ZNF716: variants seen among roughly 807,000 people sequenced by gnomAD.
ZNF716 encodes zinc finger protein 716.
A neutral mutation model predicts 13.4 loss-of-function variants in ZNF716; 9 were observed. That is an observed-to-expected ratio of 0.67 (90% CI 0.41 to 1.18). The LOEUF (loss-of-function observed/expected upper bound fraction) is 1.18, where lower values mean the gene tolerates loss of function less well. Ranked by LOEUF, ZNF716 falls within the 50% of genes most tolerant of loss-of-function variation. The pLI is 0.01. For missense variants in ZNF716, 581 were observed against 576.6 expected (o/e 1.01, Z -0.08); for synonymous variants, 186 against 195.2 (o/e 0.95, Z 0.39).
At chr7:57,465,846 T>C (rs1158261734) in intron 3 of ZNF716, among the ~76,000 whole-genome samples, 3 of 152,222 alleles carry the variant, frequency 2.0e-5, no homozygotes, top group African/African-American at 7.2e-5. Flanking sequence ...TGGTATGCTA[T>C]GCAGCCATAA....
rs559114748 is a variant in ZNF716, at chr7:57,469,028, C to T, written c.567C>T (p.Asn189=). The stretch of plus-strand genomic sequence containing the variant: ...GAAAGAAACATTTCAAATGTAAAAA[C>T]GATGGCAAATCATTTTGCATGCTTT... ...HTGKKHFKCK[N]DGKSFCMLSR... is the part of the protein sequence containing the mutation. The change falls in exon 4 of 4, where the codon AAC becomes AAT. Residue 189 remains asparagine (N), a synonymous_variant. Coordinates refer to ENST00000420713, the MANE Select transcript of ZNF716 (RefSeq NM_001159279.1). 34 of 1,607,596 alleles carry T rather than the reference C, an allele frequency of 2.1e-5. 1 individual carries two copies. In the South Asian group the frequency reaches 2.5e-4, roughly 12 times the overall value.
At position 57,469,648 on chromosome 7, in the gene ZNF716, C is replaced by T. The variant is rs1262690062; in HGVS notation, c.1187C>T (p.Thr396Ile). 6 of 1,612,890 alleles carry T rather than the reference C, an allele frequency of 3.7e-6. No individual in the cohort carries two copies. Among genetic ancestry groups the T allele is most frequent in the Non-Finnish European group, 5.1e-6 (6 of 1,179,832 alleles). Residue 396 changes from threonine to isoleucine, a missense_variant, in exon 4 of 4, where the codon ACT becomes ATT. Transcript: ENST00000420713. ...GKAFSLPSTF[T>I]YHKRTHTGEK... is the part of the protein sequence containing the mutation. ...GCCTTTAGCTTACCCTCAACCTTCACTTACCACAAGAGAACTCATACTGGA... is the reference window on the plus strand; with the variant it reads ...GCCTTTAGCTTACCCTCAACCTTCATTTACCACAAGAGAACTCATACTGGA...
chr7:57,451,159 A>G (rs1583713131), intron 1 of ZNF716, among the ~76,000 whole-genome samples: 1 of 151,804 alleles, frequency 6.6e-6, no homozygotes, highest in East Asian at 2.0e-4. Flanking sequence ...AGCTGGGATT[A>G]CAGACTGCCA....
At chr7:57,450,907 T>G (rs1231963554) in intron 1 of ZNF716, among the ~76,000 whole-genome samples, 1 of 152,206 alleles carries the variant, frequency 6.6e-6, no homozygotes, top group Non-Finnish European at 1.5e-5. Context: ...GTTAGGTAGT[T>G]TCCTTGTTTG....
chr7:57,469,641 A>C lies in ZNF716; in HGVS notation c.1180A>C (p.Thr394Pro). The change falls in exon 4 of 4, where the codon ACC (threonine) becomes CCC (proline). Residue 394 changes from threonine to proline, a missense_variant. By Grantham distance (38) the Thr-to-Pro change is conservative (BLOSUM62 -1). Transcript: ENST00000420713. Reference sequence around the variant, plus strand: ...TGGCAAAGCCTTTAGCTTACCCTCAACCTTCACTTACCACAAGAGAACTCA... The same window carrying C: ...TGGCAAAGCCTTTAGCTTACCCTCACCCTTCACTTACCACAAGAGAACTCA... ...ECGKAFSLPS[T>P]FTYHKRTHTG... 1 of 1,613,452 alleles carries C rather than the reference A, an allele frequency of 6.2e-7. No homozygotes were observed. Among genetic ancestry groups the C allele is most frequent in the Non-Finnish European group, 8.5e-7 (1 of 1,179,878 alleles).
chr7:57,462,438 T>C, intron 1 of ZNF716, 22 bp from the exon 2 acceptor site: 2 of 1,609,878 alleles, frequency 1.2e-6, no homozygotes, highest in Non-Finnish European at 1.7e-6. Flanking sequence ...GTTTTTTTTG[T>C]TTGTTTATTT....
rs527435993 is a variant in ZNF716, at chr7:57,450,187, C to T, written c.-102C>T. On this transcript the variant is annotated 5_prime_UTR_variant, in exon 1 of 4. Coordinates refer to ENST00000420713, the MANE Select transcript of ZNF716 (RefSeq NM_001159279.1). ...GTAAGGTTACGGGTTCTTTTTGCTTCTCTGCGCCCAGAGCTCCAGTCCTTC... is the reference window on the plus strand; with the variant it reads ...GTAAGGTTACGGGTTCTTTTTGCTTTTCTGCGCCCAGAGCTCCAGTCCTTC... The T allele has an allele frequency of 2.5e-4, 394 of 1,559,378 alleles. No homozygotes were observed. Among genetic ancestry groups the T allele is most frequent in the Non-Finnish European group, 3.3e-4 (378 of 1,142,888 alleles).
intron 1 of ZNF716, among the ~76,000 whole-genome samples, chr7:57,458,452 C>A (rs1554322455): frequency 1.3e-5 from 2 of 149,846 alleles, no homozygotes; most frequent in Non-Finnish European, 3.0e-5. Context: ...CATGGAGTTT[C>A]ACTCTTTTCG....
intron 1 of ZNF716, among the ~76,000 whole-genome samples, chr7:57,456,822 G>A (rs1475624197): frequency 6.6e-6 from 1 of 152,132 alleles, no homozygotes; most frequent in Non-Finnish European, 1.5e-5. Context: ...GGCCTGGAGG[G>A]GGACTCTGGA....
rs1789739579 is a variant in ZNF716 at position 57,463,155 on chromosome 7, A to G, written c.249A>G (p.Val83=). 6.2e-7 allele frequency: 1 copy of G among 1,608,206 alleles called. No homozygotes were observed. The highest frequency in any genetic ancestry group is 1.7e-5 in the Admixed American group (1 of 59,960). ...AGAATATAAAGAGAAATGAGATGGT[A>G]GCCAAACACCCAGGTAGGTGAGAGC... ...EPQNIKRNEM[V]AKHPVTCSHF... The change falls in exon 3 of 4, where the codon GTA becomes GTG. Residue 83 remains valine (V), a synonymous_variant. Transcript: ENST00000420713.
At position 57,463,158 on chromosome 7, in the gene ZNF716, CA is replaced by C. The variant is rs1355350635; in HGVS notation, c.255del (p.Lys85AsnfsTer19). The C allele has an allele frequency of 6.2e-7, 1 of 1,607,690 alleles. No individual in the cohort carries two copies. Among genetic ancestry groups the C allele is most frequent in the Non-Finnish European group, 8.5e-7 (1 of 1,179,852 alleles). On this transcript the variant is annotated frameshift_variant, in exon 3 of 4. Coordinates refer to ENST00000420713, the MANE Select transcript of ZNF716 (RefSeq NM_001159279.1). LOFTEE classifies it low-confidence loss of function (END_TRUNC). The part of the protein sequence containing the change: ...QNIKRNEMVA[K>X]HPVTCSHFTQ... ...ATATAAAGAGAAATGAGATGGTAGC[CA>C]AACACCCAGGTAGGTGAGAGCGAAT...
At chr7:57,460,358 G>T (rs1270349907) in intron 1 of ZNF716, among the ~76,000 whole-genome samples, 1 of 127,814 alleles carries the variant, frequency 7.8e-6, no homozygotes. Context: ...TTGCACCACC[G>T]CACTCCAGCC....
Position 57,469,059 on chromosome 7 carries a change from C to G in ZNF716, c.598C>G (p.Leu200Val). 1 of 1,607,480 alleles carries G rather than the reference C, an allele frequency of 6.2e-7. No individual in the cohort carries two copies. Among genetic ancestry groups the G allele is most frequent in the Non-Finnish European group, 8.5e-7 (1 of 1,176,272 alleles). Residue 200 changes from leucine (L) to valine (V), a missense_variant, in exon 4 of 4, where the codon CTA becomes GTA. Coordinates refer to ENST00000420713, the MANE Select transcript of ZNF716 (RefSeq NM_001159279.1). ...DGKSFCMLSR[L>V]NQHQIIHTRE... is the part of the protein sequence containing the mutation. Reference sequence around the variant, plus strand: ...CAAATCATTTTGCATGCTTTCACGCCTAAATCAACATCAGATAATTCATAC... The same window carrying G: ...CAAATCATTTTGCATGCTTTCACGCGTAAATCAACATCAGATAATTCATAC...
rs1789983572 is a variant in ZNF716 at position 57,473,412 on chromosome 7, C to CA, written c.*3464dup. On this transcript the variant is annotated 3_prime_UTR_variant, in exon 4 of 4. Transcript: ENST00000420713. ...GTGCATGCCCATGGTCCCAGTTACT[C>CA]AGGAGGCTGAGGCAGGAGAATTGCT... The CA allele has an allele frequency of 6.6e-6, 1 of 152,002 alleles. No individual in the cohort carries two copies. The highest frequency in any genetic ancestry group is 1.5e-5 in the Non-Finnish European group (1 of 68,066). 9.4% of individuals were successfully genotyped at this position (152,002 alleles called of 1,614,324 possible).
At position 57,472,289 on chromosome 7, in the gene ZNF716, A is replaced by T. The variant is rs1789957008; in HGVS notation, c.*2340A>T. ...AGTAGTAAATTATTTTATCAATTGTACCTTTATGTAAACAAAGTTGTTTTT... is the reference window on the plus strand; with the variant it reads ...AGTAGTAAATTATTTTATCAATTGTTCCTTTATGTAAACAAAGTTGTTTTT... On this transcript the variant is annotated 3_prime_UTR_variant, in exon 4 of 4. Transcript: ENST00000420713. 6.6e-6 allele frequency: 1 copy of T among 152,214 alleles called. No homozygotes were observed. The highest frequency in any genetic ancestry group is 1.5e-5 in the Non-Finnish European group (1 of 68,038). The allele number at this position is 152,214 out of a possible 1,614,324, so 9.4% of individuals were successfully genotyped here.
chr7:57,470,068 A>G lies in ZNF716; in HGVS notation c.*119A>G, dbSNP rs1378135479. 5 of 981,986 alleles carry G rather than the reference A, an allele frequency of 5.1e-6. No homozygotes were observed. The highest frequency in any genetic ancestry group is 3.0e-5 in the Admixed American group (1 of 33,190). 60.8% of individuals were successfully genotyped at this position (981,986 alleles called of 1,614,324 possible). ...AACCAGTTCCAAACCACTGCTGTCC[A>G]TAAGATAATTCATATTGGACAAAAG... On this transcript the variant is annotated 3_prime_UTR_variant, in exon 4 of 4. Coordinates refer to ENST00000420713, the MANE Select transcript of ZNF716 (RefSeq NM_001159279.1).
intron 1 of ZNF716, among the ~76,000 whole-genome samples, chr7:57,461,997 TAAAAATAC>T (rs1240184412): frequency 4.6e-5 from 7 of 151,796 alleles, no homozygotes; most frequent in African/African-American, 1.7e-4. Flanking sequence ...CTGTCTCTAC[TAAAAATAC>T]AAAAATTAGC....
At chr7:57,467,766 G>T (rs1394066796) in intron 3 of ZNF716, among the ~76,000 whole-genome samples, 2 of 151,158 alleles carry the variant, frequency 1.3e-5, no homozygotes, top group Non-Finnish European at 3.0e-5. Context: ...TTACCTACAC[G>T]TTTGTTTATT....
intron 3 of ZNF716, among the ~76,000 whole-genome samples, chr7:57,464,144 G>C (rs1233808607): frequency 1.5e-5 from 1 of 66,386 alleles, no homozygotes; most frequent in Non-Finnish European, 3.0e-5. Context: ...TTTTTGAGAT[G>C]GAGTTTCACT....
Sources: allele counts gnomAD v4.1 joint callset (sites outside exome capture counted in the v4.1 genomes callset), GRCh38; gene constraint gnomAD v4.1.1; transcripts MANE v1.5; gene names NCBI Gene and HGNC (gene_info 2026-07-23, HGNC 2026-07-21).